The following LDLRAD4 variants were observed in gnomAD, a reference collection of about 807,000 sequenced individuals.
LDLRAD4 encodes low density lipoprotein receptor class A domain containing 4.
Under a neutral mutation model 17.0 loss-of-function variants are expected in LDLRAD4, and 5 were observed. The observed-to-expected ratio is 0.29, with a 90% CI of 0.15 to 0.62. LDLRAD4 has a LOEUF of 0.62. LDLRAD4 is among the 20% of genes least tolerant of loss of function. The pLI is 0.84. For synonymous variants in LDLRAD4, 168 were observed against 171.8 expected (o/e 0.98, Z 0.17); for missense variants, 340 against 424.7 (o/e 0.80, Z 1.75).
intron 1 of LDLRAD4, among the ~76,000 whole-genome samples, chr18:13,269,285 T>C (rs1208178956): frequency 6.6e-6 from 1 of 152,212 alleles, no homozygotes; most frequent in East Asian, 1.9e-4. Context: ...TCAATGCCAA[T>C]GGTTATTTTT....
chr18:13,400,362 C>G (rs1378092053), intron 2 of LDLRAD4, among the ~76,000 whole-genome samples: 1 of 152,254 alleles, frequency 6.6e-6, no homozygotes, highest in South Asian at 2.1e-4. Context: ...TTTTAAGATC[C>G]TGGAGGCCTA....
At chr18:13,478,753 T>C (rs2093010491) in intron 3 of LDLRAD4, among the ~76,000 whole-genome samples, 1 of 152,222 alleles carries the variant, frequency 6.6e-6, no homozygotes, top group Non-Finnish European at 1.5e-5. Context: ...CAGTGAGTTG[T>C]TTTTTGGATA....
chr18:13,321,161 G>A (rs754250839), intron 1 of LDLRAD4, among the ~76,000 whole-genome samples: 1 of 152,080 alleles, frequency 6.6e-6, no homozygotes, highest in Non-Finnish European at 1.5e-5. Context: ...GTCTTCTCTG[G>A]CCCAGCAGAC....
At chr18:13,329,344 G>T (rs1212625591) in intron 1 of LDLRAD4, among the ~76,000 whole-genome samples, 1 of 152,140 alleles carries the variant, frequency 6.6e-6, no homozygotes, top group Non-Finnish European at 1.5e-5. Flanking sequence ...AAAGGTTTCT[G>T]TCAGCCTACT....
chr18:13,559,440 T>TA (rs35555251), intron 3 of LDLRAD4, among the ~76,000 whole-genome samples: 45 of 152,060 alleles, frequency 3.0e-4, no homozygotes, highest in Admixed American at 7.2e-4. Context: ...CCCAATATGC[T>TA]AAAAAAATGC....
At chr18:13,294,322 G>C (rs2046145323) in intron 1 of LDLRAD4, among the ~76,000 whole-genome samples, 1 of 152,258 alleles carries the variant, frequency 6.6e-6, no homozygotes, top group Non-Finnish European at 1.5e-5. Flanking sequence ...ACGTCAGACA[G>C]ACGGCCCAGC....
intron 2 of LDLRAD4, among the ~76,000 whole-genome samples, chr18:13,408,403 A>G (rs985745627): frequency 3.3e-5 from 5 of 150,686 alleles, no homozygotes; most frequent in African/African-American, 1.2e-4. Context: ...GGTGAGAGAG[A>G]TAGAGTAGTA....
chr18:13,267,539 G>A (rs756771616), intron 1 of LDLRAD4, among the ~76,000 whole-genome samples: 5 of 152,250 alleles, frequency 3.3e-5, no homozygotes, highest in Admixed American at 6.5e-5. Flanking sequence ...AACCTCTGCA[G>A]TGTTTGGTGT....
chr18:13,417,547 C>T (rs2089022695), intron 2 of LDLRAD4, among the ~76,000 whole-genome samples: 1 of 152,018 alleles, frequency 6.6e-6, no homozygotes, highest in Non-Finnish European at 1.5e-5. Context: ...ATTCTCCTGC[C>T]TCAGCCTTCC....
intron 3 of LDLRAD4, chr18:13,520,434 G>A (rs1471375628): frequency 6.6e-6 from 1 of 152,218 alleles, no homozygotes; most frequent in Non-Finnish European, 1.5e-5. Context: ...TCTTGACAAA[G>A]GAAGTGACAT....
At chr18:13,381,421 A>G (rs548848488) in intron 1 of LDLRAD4, among the ~76,000 whole-genome samples, 1 of 152,194 alleles carries the variant, frequency 6.6e-6, no homozygotes, top group Non-Finnish European at 1.5e-5. Context: ...AGACATGGCC[A>G]TAGGGGACTT....
chr18:13,361,374 G>T (rs1203856178), intron 1 of LDLRAD4, among the ~76,000 whole-genome samples: 4 of 152,170 alleles, frequency 2.6e-5, no homozygotes, highest in African/African-American at 9.7e-5. Flanking sequence ...ATTTCTGGTG[G>T]TGATTTTTAG....
rs1056554356 is a variant in LDLRAD4 at position 13,300,889 on chromosome 18, G to A, written c.-383+22701G>A. On this transcript the variant is annotated intron_variant, in intron 1 of 5. Transcript: ENST00000359446. The surrounding 1 kb of genome is among the most constrained non-coding windows in gnomAD (Gnocchi z 4.2). ...GGGTGGTGAACTGGGAGCCGGCAGC[G>A]CGTCCCAGCGCTGAACCCGTGGCAC... Among the ~76,000 whole-genome samples, 12 of 152,244 alleles carry A rather than the reference G, an allele frequency of 7.9e-5. No individual in the cohort carries two copies. The highest frequency in any genetic ancestry group is 1.9e-4 in the African/African-American group (8 of 41,470).
intron 3 of LDLRAD4, among the ~76,000 whole-genome samples, chr18:13,545,298 C>G (rs2094345726): frequency 6.6e-6 from 1 of 152,208 alleles, no homozygotes; most frequent in Non-Finnish European, 1.5e-5. Flanking sequence ...ACGCCTGGAA[C>G]TGGAGAACTC....
chr18:13,452,327 C>T (rs548007803), intron 3 of LDLRAD4, among the ~76,000 whole-genome samples: 14 of 152,066 alleles, frequency 9.2e-5, no homozygotes, highest in African/African-American at 2.9e-4. Flanking sequence ...CTCCTTGCAG[C>T]GCTTGGAGGA....
At chr18:13,458,121 C>T (rs941445216) in intron 3 of LDLRAD4, among the ~76,000 whole-genome samples, 6 of 152,132 alleles carry the variant, frequency 3.9e-5, no homozygotes, top group African/African-American at 1.4e-4. Context: ...ACCAAGACTA[C>T]AGCCTGCAGA....
intron 3 of LDLRAD4, among the ~76,000 whole-genome samples, chr18:13,503,430 A>C (rs2093644099): frequency 6.6e-6 from 1 of 152,138 alleles, no homozygotes. Context: ...CCTTCTCCTA[A>C]GTAAAATTAC....
At chr18:13,326,255 A>C (rs925525391) in intron 1 of LDLRAD4, among the ~76,000 whole-genome samples, 3 of 152,138 alleles carry the variant, frequency 2.0e-5, no homozygotes, top group African/African-American at 7.2e-5. Context: ...TGTTTCCTTA[A>C]AGGGGGGAAG....
intron 4 of LDLRAD4, among the ~76,000 whole-genome samples, chr18:13,628,020 G>A (rs1482035599): frequency 6.6e-6 from 1 of 152,152 alleles, no homozygotes; most frequent in Admixed American, 6.5e-5. Context: ...TGGGCCCCAG[G>A]CTCAGGGGTG....
Sources: gnomAD v4.1 joint callset for allele counts (sites outside exome capture counted in the v4.1 genomes callset) on GRCh38, gnomAD v4.1.1 for gene constraint, Gnocchi (gnomAD v3.1) non-coding constraint, MANE v1.5 for transcripts, NCBI Gene and HGNC (gene_info 2026-07-23, HGNC 2026-07-21) for gene names.